The following PRKCE variants were observed in gnomAD, a reference collection of about 807,000 sequenced individuals.
PRKCE encodes protein kinase C epsilon, also known as protein kinase C epsilon type.
A neutral mutation model predicts 85.4 loss-of-function variants in PRKCE; 16 were observed. The ratio of observed to expected loss-of-function variants is 0.19; its 90% CI spans 0.13 to 0.28. The LOEUF is 0.28. Among genes scored for constraint, PRKCE ranks in the 10% least tolerant of loss-of-function variants. The probability of loss-of-function intolerance (pLI) is 1.00; values close to 1 mark genes in which losing one functional copy is unlikely to be tolerated. For synonymous variants in PRKCE, 388 were observed against 371.5 expected (o/e 1.04, Z -0.51); for missense variants, 573 against 975.2 (o/e 0.59, Z 5.49).
At chr2:45,814,424 C>T (rs1403453672) in intron 1 of PRKCE, among the ~76,000 whole-genome samples, 1 of 152,350 alleles carries the variant, frequency 6.6e-6, no homozygotes, top group South Asian at 2.1e-4. Context: ...AGCTGGAGGT[C>T]AGAGCCTTAC....
intron 1 of PRKCE, among the ~76,000 whole-genome samples, chr2:45,819,008 G>T (rs755028723): frequency 6.6e-6 from 1 of 152,140 alleles, no homozygotes; most frequent in Non-Finnish European, 1.5e-5. Flanking sequence ...AGGATTTGGG[G>T]CGTGGAGCCT....
chr2:46,186,809 T>C lies in PRKCE; in HGVS notation c.*1928T>C, dbSNP rs1219466943. 1 of 152,652 alleles carries C rather than the reference T, an allele frequency of 6.6e-6. No individual in the cohort carries two copies. The highest frequency in any genetic ancestry group is 6.5e-5 in the Admixed American group (1 of 15,282). The allele number at this position is 152,652 out of a possible 1,614,324, so 9.5% of individuals were successfully genotyped here. A position where few individuals can be genotyped will look rare whatever the true frequency, so the allele number is the denominator to read the frequency against. On this transcript the variant is annotated 3_prime_UTR_variant, in exon 15 of 15. Transcript: ENST00000306156. Reference sequence around the variant, plus strand: ...GTCCATATTTGCATCTGGCTGGTCATAGCCTTTGTTACTAATGATGACATT... The same window carrying C: ...GTCCATATTTGCATCTGGCTGGTCACAGCCTTTGTTACTAATGATGACATT...
At chr2:45,778,204 G>A (rs978834015) in intron 1 of PRKCE, among the ~76,000 whole-genome samples, 9 of 152,152 alleles carry the variant, frequency 5.9e-5, no homozygotes, top group African/African-American at 2.2e-4. Flanking sequence ...GCCACCAGGT[G>A]GCAAAGTTTA....
chr2:46,122,643 C>G (rs1035694953), intron 11 of PRKCE, among the ~76,000 whole-genome samples: 4 of 152,114 alleles, frequency 2.6e-5, no homozygotes, highest in Non-Finnish European at 4.4e-5. Flanking sequence ...TGAAGTTCCT[C>G]GCTTTTATGA....
intron 11 of PRKCE, among the ~76,000 whole-genome samples, chr2:46,135,366 A>C (rs1213947936): frequency 1.3e-5 from 2 of 152,180 alleles, no homozygotes; most frequent in African/African-American, 4.8e-5. Flanking sequence ...AGAGCATGGA[A>C]GTGGGGTCAG....
At chr2:46,011,348 T>A (rs1705655603) in intron 10 of PRKCE, among the ~76,000 whole-genome samples, 1 of 152,252 alleles carries the variant, frequency 6.6e-6, no homozygotes. Flanking sequence ...GGGTGTATTC[T>A]CATCTCCATG....
intron 11 of PRKCE, among the ~76,000 whole-genome samples, chr2:46,103,795 A>T (rs1311750701): frequency 1.3e-5 from 2 of 152,232 alleles, no homozygotes; most frequent in Non-Finnish European, 1.5e-5. Flanking sequence ...TAATTCATTA[A>T]GTGGAAGTGG....
At chr2:45,758,000 G>A (rs1204012689) in intron 1 of PRKCE, among the ~76,000 whole-genome samples, 1 of 152,228 alleles carries the variant, frequency 6.6e-6, no homozygotes, top group Non-Finnish European at 1.5e-5. Flanking sequence ...TAAAGGCAGT[G>A]AGGTACAAAA....
At chr2:45,730,867 G>A (rs540222961) in intron 1 of PRKCE, among the ~76,000 whole-genome samples, 8 of 152,276 alleles carry the variant, frequency 5.3e-5, no homozygotes, top group South Asian at 4.1e-4. Context: ...GTGTCTGCCC[G>A]ACAGATCATG....
At chr2:46,102,375 A>G (rs1279571428) in intron 11 of PRKCE, among the ~76,000 whole-genome samples, 1 of 152,198 alleles carries the variant, frequency 6.6e-6, no homozygotes, top group Non-Finnish European at 1.5e-5. Context: ...TCTTTAAGAT[A>G]CACCATTATT....
At chr2:45,779,512 TCAC>T in intron 1 of PRKCE, among the ~76,000 whole-genome samples, 1 of 151,130 alleles carries the variant, frequency 6.6e-6, no homozygotes. Flanking sequence ...CTCCAGGGAG[TCAC>T]TGCGACTACT....
At chr2:45,662,742 A>C (rs907478136) in intron 1 of PRKCE, among the ~76,000 whole-genome samples, 9 of 151,946 alleles carry the variant, frequency 5.9e-5, no homozygotes, top group African/African-American at 2.2e-4. Flanking sequence ...CGAAATCACA[A>C]AGCTATTTTT....
At chr2:46,081,040 G>A (rs1165550655) in intron 10 of PRKCE, among the ~76,000 whole-genome samples, 1 of 151,824 alleles carries the variant, frequency 6.6e-6, no homozygotes, top group Non-Finnish European at 1.5e-5. Context: ...TGCCCAGGCT[G>A]GAGCACAGTG....
intron 2 of PRKCE, among the ~76,000 whole-genome samples, chr2:45,898,850 C>T (rs1696352856): frequency 6.6e-6 from 1 of 152,202 alleles, no homozygotes; most frequent in Non-Finnish European, 1.5e-5. Context: ...ATCACAGGGA[C>T]TTCTGTGAAG....
chr2:45,686,759 A>T (rs1162742466), intron 1 of PRKCE, among the ~76,000 whole-genome samples: 1 of 152,188 alleles, frequency 6.6e-6, no homozygotes, highest in African/African-American at 2.4e-5. Context: ...TAGAATTGAT[A>T]CTGTGTAGAC....
intron 2 of PRKCE, among the ~76,000 whole-genome samples, chr2:45,878,330 G>A (rs1694627593): frequency 6.6e-6 from 1 of 152,176 alleles, no homozygotes; most frequent in Admixed American, 6.5e-5. Context: ...GTAGTCCACA[G>A]CCACCTTATA....
At chr2:45,731,708 T>A (rs1681593361) in intron 1 of PRKCE, among the ~76,000 whole-genome samples, 1 of 150,856 alleles carries the variant, frequency 6.6e-6, no homozygotes, top group African/African-American at 2.4e-5. Flanking sequence ...CCTGCAGACT[T>A]GACCTCCTAG....
intron 13 of PRKCE, 51 bp downstream of exon 13, chr2:46,151,280 T>TACACACACACACACACAC (rs35676949): frequency 2.0e-5 from 11 of 559,068 alleles, no homozygotes; most frequent in South Asian, 2.8e-5. Context: ...CTCCTCCCCC[T>TACACACACACACACACAC]ACACACACAC....
intron 10 of PRKCE, among the ~76,000 whole-genome samples, chr2:46,030,329 C>T (rs1280781572): frequency 2.0e-5 from 3 of 152,228 alleles, no homozygotes; most frequent in African/African-American, 7.2e-5. Context: ...CCCCCAGGTC[C>T]TTTAAACCCA....
Sources: gnomAD v4.1 joint callset for allele counts (sites outside exome capture counted in the v4.1 genomes callset) on GRCh38, gnomAD v4.1.1 for gene constraint, MANE v1.5 for transcripts, NCBI Gene and HGNC (gene_info 2026-07-23, HGNC 2026-07-21) for gene names.